Variants in WDR72 observed in about 807,000 individuals in gnomAD.
WDR72 encodes the protein WD repeat domain 72.
A neutral mutation model predicts 124.2 loss-of-function variants in WDR72; 120 were observed. The observed-to-expected ratio is 0.97, with a 90% CI of 0.83 to 1.12. The LOEUF (loss-of-function observed/expected upper bound fraction) is 1.12. WDR72 is among the 50% of genes most tolerant of loss of function. The probability of loss-of-function intolerance (pLI) is 0.00; values close to 1 mark genes in which losing one functional copy is unlikely to be tolerated. For missense variants in WDR72, 1,387 were observed against 1,278.8 expected, an observed-to-expected ratio of 1.08 and a Z score of -1.29; for synonymous variants, 452 against 441.7, an observed-to-expected ratio of 1.02 and a Z score of -0.29.
At chr15:53,721,493 C>A (rs1456584673) in intron 3 of WDR72, among the ~76,000 whole-genome samples, 1 of 152,130 alleles carries the variant, frequency 6.6e-6, no homozygotes, top group African/African-American at 2.4e-5. Context: ...ATGAAAGCTA[C>A]AAGCAAAGGT....
intron 1 of WDR72, among the ~76,000 whole-genome samples, chr15:53,756,285 G>A (rs2018904084): frequency 6.6e-6 from 1 of 152,140 alleles, no homozygotes; most frequent in African/African-American, 2.4e-5. Context: ...TCTCTCTCCT[G>A]CAACCCTATG....
At chr15:53,733,863 A>T (rs2126189) in intron 1 of WDR72, among the ~76,000 whole-genome samples, 20,630 of 152,202 alleles carry the variant, frequency 0.14, 1,627 homozygotes, top group Middle Eastern at 0.19. Context: ...TGTGTGCATT[A>T]TATTTTGTGA....
intron 18 of WDR72, among the ~76,000 whole-genome samples, chr15:53,583,968 CAG>C (rs3081219): frequency 0.31 from 47,394 of 151,706 alleles, 7,974 homozygotes; most frequent in Admixed American, 0.42. Flanking sequence ...TTTTAAATGA[CAG>C]AGAGATAATA....
At chr15:53,686,581 A>G (rs1457977160) in intron 13 of WDR72, among the ~76,000 whole-genome samples, 1 of 151,592 alleles carries the variant, frequency 6.6e-6, no homozygotes, top group African/African-American at 2.4e-5. Context: ...GTGACCTACA[A>G]AGAGACTTAG....
At chr15:53,579,835 T>C (rs553247515) in intron 18 of WDR72, among the ~76,000 whole-genome samples, 3 of 152,156 alleles carry the variant, frequency 2.0e-5, no homozygotes, top group Non-Finnish European at 4.4e-5. Flanking sequence ...ATGTTCAAAA[T>C]CAGGTAAATT....
At chr15:53,743,297 G>C (rs1181548570) in intron 1 of WDR72, among the ~76,000 whole-genome samples, 1 of 151,860 alleles carries the variant, frequency 6.6e-6, no homozygotes, top group Non-Finnish European at 1.5e-5. Flanking sequence ...ATTATATATA[G>C]ATCACTGCAA....
At chr15:53,545,022 C>G (rs1408872539) in intron 18 of WDR72, among the ~76,000 whole-genome samples, 1 of 144,570 alleles carries the variant, frequency 6.9e-6, no homozygotes, top group African/African-American at 2.6e-5. Context: ...AGGATACAAA[C>G]AAATGGAAGA....
At chr15:53,642,519 AG>A (rs1443766171) in intron 14 of WDR72, among the ~76,000 whole-genome samples, 2 of 152,008 alleles carry the variant, frequency 1.3e-5, no homozygotes, top group African/African-American at 4.8e-5. Context: ...GCCTAACACA[AG>A]GGCTGTGTTT....
At chr15:53,547,234 G>A (rs1893515354) in intron 18 of WDR72, among the ~76,000 whole-genome samples, 1 of 152,228 alleles carries the variant, frequency 6.6e-6, no homozygotes, top group African/African-American at 2.4e-5. Context: ...CTGGGTTTAA[G>A]CGATTCTCCT....
chr15:53,640,178 T>G (rs989465646), intron 14 of WDR72, among the ~76,000 whole-genome samples: 2 of 152,218 alleles, frequency 1.3e-5, no homozygotes, highest in Non-Finnish European at 2.9e-5. Flanking sequence ...AACCTCTGTG[T>G]GACCAGAGGA....
chr15:53,630,559 CA>C (rs1451484006), intron 14 of WDR72, among the ~76,000 whole-genome samples: 1 of 152,062 alleles, frequency 6.6e-6, no homozygotes, highest in East Asian at 1.9e-4. Context: ...ACTTAATACA[CA>C]AAAATCCATT....
intron 18 of WDR72, among the ~76,000 whole-genome samples, chr15:53,596,580 T>C (rs2012784497): frequency 6.6e-6 from 1 of 152,182 alleles, no homozygotes; most frequent in Admixed American, 6.6e-5. Flanking sequence ...GATTAGGGTA[T>C]TCCTGTAATA....
chr15:53,528,498 T>C (rs897502582), intron 18 of WDR72, among the ~76,000 whole-genome samples: 1 of 152,082 alleles, frequency 6.6e-6, no homozygotes, highest in Non-Finnish European at 1.5e-5. Flanking sequence ...CTTCCTGCAG[T>C]TGTAATCTAA....
chr15:53,704,995 T>A lies in WDR72; in HGVS notation c.1341A>T (p.Leu447Phe), dbSNP rs751472945. 6.2e-7 allele frequency: 1 copy of A among 1,613,878 alleles called. No individual in the cohort carries two copies. Among genetic ancestry groups the A allele is most frequent in the South Asian group, 1.1e-5 (1 of 91,054 alleles). ...AKARLLEGGS[L>F]VKDSPPHKVL... ...CAAATAAAATTCAAGGACCTTTTACTAAAGAACCACCTTCCAGAAGTCTTG... is the reference window on the plus strand; with the variant it reads ...CAAATAAAATTCAAGGACCTTTTACAAAAGAACCACCTTCCAGAAGTCTTG... Residue 447 changes from leucine to phenylalanine, a missense_variant, in exon 11 of 20, where the codon TTA becomes TTT. Transcript: ENST00000360509.
chr15:53,576,119 A>G (rs1894745643), intron 18 of WDR72, among the ~76,000 whole-genome samples: 1 of 151,888 alleles, frequency 6.6e-6, no homozygotes, highest in Non-Finnish European at 1.5e-5. Flanking sequence ...CACTTACACG[A>G]TTGTATTCTA....
chr15:53,566,564 G>T (rs1894302358), intron 18 of WDR72, among the ~76,000 whole-genome samples: 1 of 151,754 alleles, frequency 6.6e-6, no homozygotes, highest in African/African-American at 2.4e-5. Flanking sequence ...GGAATATATG[G>T]GACTTCACCA....
chr15:53,565,767 T>TAA (rs5812691), intron 18 of WDR72, among the ~76,000 whole-genome samples: 2,613 of 149,984 alleles, frequency 0.017, 82 homozygotes, highest in African/African-American at 0.06. Context: ...TACGTTGAAT[T>TAA]AAAAAAAAAA....
In WDR72 at chr15:53,615,456, A is replaced by G. The variant is rs1173441533; in HGVS notation, c.2750T>C (p.Met917Thr). The change falls in exon 15 of 20, where the codon ATG becomes ACG. Residue 917 changes from methionine to threonine, a missense_variant. Met to Thr is a moderately conservative substitution (Grantham distance 81). Transcript: ENST00000360509. ...RLFLVNKLVN[M>T]PLELACRVGS... The stretch of plus-strand genomic sequence containing the variant: ...AACTCTACATGCCAATTCTAAAGGC[A>G]TGTTAACTAATTTATTAACTAAAAA... The G allele has an allele frequency of 3.4e-5, 54 of 1,611,686 alleles. No homozygotes were observed. Among genetic ancestry groups the G allele is most frequent in the Non-Finnish European group, 4.3e-5 (51 of 1,178,908 alleles).
intron 14 of WDR72, among the ~76,000 whole-genome samples, chr15:53,664,429 T>C (rs2015709956): frequency 6.6e-6 from 1 of 151,522 alleles, no homozygotes; most frequent in Non-Finnish European, 1.5e-5. Flanking sequence ...AAGCTAAAGA[T>C]TACATGCTAG....
Sources: allele counts gnomAD v4.1 joint callset (sites outside exome capture counted in the v4.1 genomes callset), GRCh38; gene constraint gnomAD v4.1.1; transcripts MANE v1.5; gene names NCBI Gene and HGNC (gene_info 2026-07-23, HGNC 2026-07-21).